PCDHGB1: variants seen among roughly 807,000 people sequenced by gnomAD.
PCDHGB1 encodes protocadherin gamma-B1.
Under a neutral mutation model 56.6 loss-of-function variants are expected in PCDHGB1, and 34 were observed. The ratio of observed to expected loss-of-function variants is 0.60; its 90% CI spans 0.46 to 0.80. The LOEUF (loss-of-function observed/expected upper bound fraction) is 0.80, where lower values mean the gene tolerates loss of function less well. Ranked by LOEUF, PCDHGB1 falls within the 30% of genes least tolerant of loss-of-function variation. The pLI, the probability that PCDHGB1 is intolerant of heterozygous loss-of-function variation, is 0.00. For missense variants in PCDHGB1, 1,278 were observed against 1,204.6 expected, an observed-to-expected ratio of 1.06 and a Z score of -0.90; for synonymous variants, 561 against 505.9, an observed-to-expected ratio of 1.11 and a Z score of -1.46.
chr5:141,440,902 G>C (rs138147244), intron 1 of PCDHGB1: 1 of 152,110 alleles, frequency 6.6e-6, no homozygotes, highest in Admixed American at 6.6e-5. Context: ...ATGTGCATCC[G>C]GGCACTCCTG....
At chr5:141,428,055 G>T in intron 1 of PCDHGB1, 1 of 1,609,070 alleles carries the variant, frequency 6.2e-7, no homozygotes, top group Non-Finnish European at 8.5e-7. Context: ...CAAGGTGGTG[G>T]CGGTGGACGC....
At chr5:141,394,611 C>A (rs774009952) in intron 1 of PCDHGB1, 1 of 1,613,420 alleles carries the variant, frequency 6.2e-7, no homozygotes, top group Non-Finnish European at 8.5e-7. Flanking sequence ...AGACTCGGGC[C>A]AGAACGCCTG....
rs561261966 is a variant in PCDHGB1, at chr5:141,351,572, A to G, written c.1312A>G (p.Ile438Val). The change falls in exon 1 of 4, where the codon ATC becomes GTC. Residue 438 changes from isoleucine to valine, a missense_variant. Transcript: ENST00000523390. ...LSSRTSITLH[I>V]SDINDNAPVF... The stretch of plus-strand genomic sequence containing the variant: ...CTCCAGGACAAGCATCACCCTGCAC[A>G]TCTCCGACATCAACGACAATGCACC... The G allele has an allele frequency of 1.9e-5, 30 of 1,614,024 alleles. No homozygotes were observed. Among genetic ancestry groups the G allele is most frequent in the African/African-American group, 2.7e-5 (2 of 75,054 alleles).
rs771858105 is a variant in PCDHGB1 at position 141,428,074 on chromosome 5, G to A, written c.2410-66733G>A. 4.4e-6 allele frequency: 7 copies of A among 1,609,112 alleles called. No homozygotes were observed. The African/African-American group carries it at 5.3e-5, about 12-fold the overall frequency. On this transcript the variant is annotated intron_variant, in intron 1 of 3. Transcript: ENST00000523390. The stretch of plus-strand genomic sequence containing the variant: ...GTGGTGGCGGTGGACGCAGATTCGG[G>A]ACACAACGCTTGGCTGTCCTACCAC...
chr5:141,414,415 C>A (rs769791452), intron 1 of PCDHGB1: 1 of 1,613,876 alleles, frequency 6.2e-7, no homozygotes, highest in Admixed American at 1.7e-5. Context: ...ACACAGAGCC[C>A]TTGACAGGGA....
Position 141,388,684 on chromosome 5 carries a change from C to T in PCDHGB1, c.2409+36015C>T, listed in dbSNP as rs1458700152. 1.2e-5 allele frequency: 19 copies of T among 1,613,818 alleles called. No homozygotes were observed. Among genetic ancestry groups the T allele is most frequent in the African/African-American group, 2.7e-5 (2 of 74,912 alleles). On this transcript the variant is annotated intron_variant, in intron 1 of 3. Coordinates refer to ENST00000523390, the MANE Select transcript of PCDHGB1 (RefSeq NM_018922.3). ...ACCACGGTGCTACAGGTGACTGCCA[C>T]GGACCAGGATGAGGGTGTCAATGCC...
chr5:141,420,507 A>G (rs548077936), intron 1 of PCDHGB1: 1 of 428,282 alleles, frequency 2.3e-6, no homozygotes, highest in African/African-American at 2.0e-5. Context: ...TGACATTTTT[A>G]TGAAGTAAAA....
rs2154586601 is a variant in PCDHGB1, at chr5:141,491,555, A to G, written c.2410-3252A>G. The G allele has an allele frequency of 6.2e-7, 1 of 1,613,986 alleles. No homozygotes were observed. The highest frequency in any genetic ancestry group is 2.2e-5 in the East Asian group (1 of 44,862). ...CTGCGGCCCACAGACTCGCAGAGCC[A>G]CTGCTACAGGACGTGCTTTTCACCG... On this transcript the variant is annotated intron_variant, in intron 1 of 3. Transcript: ENST00000523390. This position sits in a 1 kb window ranked among gnomAD's most constrained non-coding sequence, Gnocchi z 6.9.
At chr5:141,472,172 T>A (rs548514406) in intron 1 of PCDHGB1, among the ~76,000 whole-genome samples, 11 of 152,326 alleles carry the variant, frequency 7.2e-5, no homozygotes, top group African/African-American at 2.6e-4. Context: ...AGGTGTAATA[T>A]CCAGTATTGG....
intron 1 of PCDHGB1, chr5:141,383,742 T>C: frequency 6.2e-7 from 1 of 1,613,986 alleles, no homozygotes; most frequent in Non-Finnish European, 8.5e-7. Flanking sequence ...CATATTCTTT[T>C]CGGAAAATAA....
At chr5:141,430,084 A>G (rs538721051) in intron 1 of PCDHGB1, among the ~76,000 whole-genome samples, 2 of 152,292 alleles carry the variant, frequency 1.3e-5, no homozygotes, top group Admixed American at 1.3e-4. Context: ...AATATCATGA[A>G]AATTTGATTT....
intron 1 of PCDHGB1, chr5:141,355,778 A>T (rs1221336754): frequency 3.1e-6 from 5 of 1,613,808 alleles, no homozygotes; most frequent in Admixed American, 3.3e-5. Flanking sequence ...AAGTACCCAG[A>T]GCTGGTGCTG....
intron 1 of PCDHGB1, chr5:141,356,550 C>G (rs954388230): frequency 5.6e-6 from 9 of 1,614,054 alleles, no homozygotes; most frequent in Non-Finnish European, 7.6e-6. Flanking sequence ...ACAACCCACC[C>G]ACTTTCCCTC....
intron 1 of PCDHGB1, chr5:141,356,414 T>C: frequency 6.2e-7 from 1 of 1,602,126 alleles, no homozygotes; most frequent in Non-Finnish European, 8.5e-7. Context: ...TATCGGTTGT[T>C]GACACACAGA....
Position 141,364,526 on chromosome 5 carries a change from A to G in PCDHGB1, c.2409+11857A>G, listed in dbSNP as rs532623040. The G allele has an allele frequency of 8.7e-6, 14 of 1,614,060 alleles. No homozygotes were observed. In the African/African-American group the frequency reaches 1.7e-4, roughly 20 times the overall value. On this transcript the variant is annotated intron_variant, in intron 1 of 3. Coordinates refer to ENST00000523390, the MANE Select transcript of PCDHGB1 (RefSeq NM_018922.3). ...GGAGCTGGCGGAGCGCGGAGTCCGC[A>G]TCGTCTCCAGAGGTAGGACGCAGCT...
At chr5:141,371,731 A>G in intron 1 of PCDHGB1, 1 of 1,614,042 alleles carries the variant, frequency 6.2e-7, no homozygotes, top group Non-Finnish European at 8.5e-7. Flanking sequence ...CTTGATGTCA[A>G]CGACAACGTT....
Position 141,432,667 on chromosome 5 carries a change from C to T in PCDHGB1, c.2410-62140C>T, listed in dbSNP as rs1312138743. ...CGGCGCGAGCCCTGCTGGACAGAGACGCGCTCAAGCAGAGCCTCGTAGTGG... is the reference window on the plus strand; with the variant it reads ...CGGCGCGAGCCCTGCTGGACAGAGATGCGCTCAAGCAGAGCCTCGTAGTGG... On this transcript the variant is annotated intron_variant, in intron 1 of 3. Transcript: ENST00000523390. This position sits in a 1 kb window ranked among gnomAD's most constrained non-coding sequence, Gnocchi z 6.0. The T allele has an allele frequency of 1.2e-6, 2 of 1,613,876 alleles. No individual in the cohort carries two copies. The highest frequency in any genetic ancestry group is 1.1e-5 in the South Asian group (1 of 91,066).
At chr5:141,375,623 C>G in intron 1 of PCDHGB1, 5 of 1,614,244 alleles carry the variant, frequency 3.1e-6, no homozygotes, top group Non-Finnish European at 3.4e-6. Flanking sequence ...CACTGGGATT[C>G]TGTACGCCCT....
At chr5:141,472,980 C>CAAAAAAA (rs60579131) in intron 1 of PCDHGB1, among the ~76,000 whole-genome samples, 1 of 86,102 alleles carries the variant, frequency 1.2e-5, no homozygotes, top group South Asian at 4.3e-4. Flanking sequence ...GAGTGAAACT[C>CAAAAAAA]AAAAAAAAAA....
Sources: allele counts gnomAD v4.1 joint callset (sites outside exome capture counted in the v4.1 genomes callset), GRCh38; gene constraint gnomAD v4.1.1; non-coding constraint Gnocchi (gnomAD v3.1); transcripts MANE v1.5; gene names NCBI Gene and HGNC (gene_info 2026-07-23, HGNC 2026-07-21).